The following BCAP31 variants were observed in gnomAD, a reference collection of about 807,000 sequenced individuals.
BCAP31 encodes B cell receptor associated protein 31.
For synonymous variants in BCAP31, 75 were observed against 80.9 expected (o/e 0.93, Z 0.39); for missense variants, 124 against 193.0 (o/e 0.64, Z 2.12).
intron 2 of BCAP31, 116 bp downstream of exon 2, chrX:153,723,037 T>G: frequency 4.2e-6 from 4 of 956,059 alleles, no homozygotes; most frequent in Non-Finnish European, 5.7e-6. Context: ...CCCAGACAGG[T>G]TCTACCTGTT....
At chrX:153,702,170 C>G in intron 6 of BCAP31, 63 bp from the exon 7 acceptor site, 2 of 989,236 alleles carry the variant, frequency 2.0e-6, no homozygotes, top group Non-Finnish European at 2.8e-6. Flanking sequence ...GGGGAAAAAA[C>G]CCGACTGCTA....
At chrX:153,701,096 A>G (rs2091515415) in intron 7 of BCAP31, 121 bp from the exon 8 acceptor site, 8 of 624,369 alleles carry the variant, frequency 1.3e-5, no homozygotes, top group Middle Eastern at 3.1e-4. Flanking sequence ...ACAGCTATTC[A>G]AGTGAACAAG....
intron 3 of BCAP31, 107 bp from the exon 4 acceptor site, chrX:153,715,796 A>G: frequency 2.1e-6 from 2 of 952,950 alleles, no homozygotes; most frequent in Non-Finnish European, 3.0e-6. Context: ...CACTTCCCTC[A>G]AATCCGCCTC....
chrX:153,708,694 G>T (rs782669891), intron 4 of BCAP31, among the ~76,000 whole-genome samples: 2 of 112,930 alleles, frequency 1.8e-5, no homozygotes, highest in Non-Finnish European at 3.8e-5. Context: ...CAGTGAAGAA[G>T]AATGACTAAC....
rs1557047458 is a variant in BCAP31 at position 153,702,071 on chromosome X, C to T, written c.638G>A (p.Arg213Gln). ...EKAENQVLAM[R>Q]KQSEGLTKEY... ...CTTGGTGAGGCCCTCAGACTGCTTC[C>T]GCATGGCCAGAACCTGGTTTTCAGC... The change falls in exon 7 of 8, where the codon CGG becomes CAG. Residue 213 changes from arginine (R) to glutamine (Q), a missense_variant. Coordinates refer to ENST00000345046, the MANE Select transcript of BCAP31 (RefSeq NM_001256447.2). 5.0e-6 allele frequency: 6 copies of T among 1,209,731 alleles called. No homozygotes were observed. In the Admixed American group the frequency reaches 8.7e-5, roughly 18 times the overall value.
At chrX:153,717,246 G>A (rs1320735382) in intron 3 of BCAP31, among the ~76,000 whole-genome samples, 2 of 112,377 alleles carry the variant, frequency 1.8e-5, no homozygotes, top group African/African-American at 6.5e-5. Context: ...GCCGCTGTTA[G>A]ACATATAGAG....
chrX:153,707,178 G>A (rs782040032), intron 4 of BCAP31, among the ~76,000 whole-genome samples: 4 of 110,769 alleles, frequency 3.6e-5, no homozygotes, highest in African/African-American at 1.3e-4. Context: ...CGCCTTCTGG[G>A]GGCTCCTGCA....
At chrX:153,714,338 C>T (rs1234880086) in intron 4 of BCAP31, among the ~76,000 whole-genome samples, 2 of 110,840 alleles carry the variant, frequency 1.8e-5, no homozygotes, top group Admixed American at 1.9e-4. Flanking sequence ...GCTTCCCTTT[C>T]AGCCTCAGAC....
At chrX:153,719,618 G>A (rs782307791) in intron 3 of BCAP31, among the ~76,000 whole-genome samples, 11 of 111,000 alleles carry the variant, frequency 9.9e-5, no homozygotes, top group East Asian at 2.8e-4. Context: ...CCCCCCACCC[G>A]CTCAGTGTTT....
At chrX:153,703,596 G>A (rs1473969996) in intron 5 of BCAP31, among the ~76,000 whole-genome samples, 41 of 112,962 alleles carry the variant, frequency 3.6e-4, no homozygotes, top group African/African-American at 1.2e-3. Context: ...CACAGACCCC[G>A]AGTTCCAGAG....
At chrX:153,723,925 C>G (rs1557051701) in intron 1 of BCAP31, 2 of 491,274 alleles carry the variant, frequency 4.1e-6, no homozygotes, top group Admixed American at 5.4e-5. Flanking sequence ...GATTCGGGAC[C>G]AAGCGCAAAG....
At chrX:153,708,648 C>T (rs2091570095) in intron 4 of BCAP31, among the ~76,000 whole-genome samples, 2 of 112,843 alleles carry the variant, frequency 1.8e-5, no homozygotes, top group Non-Finnish European at 3.8e-5. Context: ...AGCGCCCAGG[C>T]AAGGAAGCAA....
chrX:153,721,737 T>C (rs1291380712), intron 2 of BCAP31, among the ~76,000 whole-genome samples: 3 of 106,247 alleles, frequency 2.8e-5, no homozygotes, highest in South Asian at 8.4e-4. Context: ...AAAATATATA[T>C]ATAAAAAAAA....
chrX:153,706,564 T>C lies in BCAP31; in HGVS notation c.342-2470A>G, dbSNP rs185626531. On this transcript the variant is annotated intron_variant, in intron 4 of 7. Coordinates refer to ENST00000345046, the MANE Select transcript of BCAP31 (RefSeq NM_001256447.2). ...TCTGCTCCCTCTGGGGTCTGCACTCTTCAGCTGACACCCTATACCTTCCTC... is the reference window on the plus strand; with the variant it reads ...TCTGCTCCCTCTGGGGTCTGCACTCCTCAGCTGACACCCTATACCTTCCTC... Among the ~76,000 whole-genome samples, 40 of 112,681 alleles carry C rather than the reference T, an allele frequency of 3.5e-4. 1 individual carries two copies. The highest frequency in any genetic ancestry group is 1.1e-3 in the South Asian group (3 of 2,701).
chrX:153,713,397 A>G (rs782136294), intron 4 of BCAP31, among the ~76,000 whole-genome samples: 19 of 110,988 alleles, frequency 1.7e-4, no homozygotes, highest in Admixed American at 2.9e-4. Context: ...ATCCATCTAC[A>G]CTCCATCTAT....
In BCAP31 at chrX:153,703,178, T is replaced by C; in HGVS notation, c.478-120A>G. ...CCCTGGCCACACGCCCCTTCGGAAA[T>C]GTCAACGCGGAACCGAGCCACCACT... On this transcript the variant is annotated intron_variant, in intron 5 of 7. Coordinates refer to ENST00000345046, the MANE Select transcript of BCAP31 (RefSeq NM_001256447.2). The C allele has an allele frequency of 6.0e-6, 6 of 1,005,584 alleles. No individual in the cohort carries two copies. In the South Asian group the frequency reaches 1.3e-4, roughly 22 times the overall value. The allele number at this position is 1,005,584 out of a possible 1,213,427, so 82.9% of individuals were successfully genotyped here.
intron 7 of BCAP31, among the ~76,000 whole-genome samples, chrX:153,701,556 G>A (rs1293415640): frequency 2.7e-5 from 3 of 112,870 alleles, no homozygotes; most frequent in African/African-American, 9.7e-5. Flanking sequence ...TCAGGCCTAG[G>A]GCAGCAGGTG....
At position 153,700,865 on chromosome X, in the gene BCAP31, G is replaced by A. The variant is rs2091513451; in HGVS notation, c.*72C>T. Reference sequence around the variant, plus strand: ...CACAAACAGAAGTACTGGAGGGAGAGGCCGGGCTCTCAGGAAGCAGCAGGC... The same window carrying A: ...CACAAACAGAAGTACTGGAGGGAGAAGCCGGGCTCTCAGGAAGCAGCAGGC... On this transcript the variant is annotated 3_prime_UTR_variant, in exon 8 of 8. Coordinates refer to ENST00000345046, the MANE Select transcript of BCAP31 (RefSeq NM_001256447.2). The A allele has an allele frequency of 2.8e-6, 3 of 1,059,784 alleles. No individual in the cohort carries two copies. Among genetic ancestry groups the A allele is most frequent in the South Asian group, 1.9e-5 (1 of 51,473 alleles). 87.3% of individuals were successfully genotyped at this position (1,059,784 alleles called of 1,213,427 possible).
At position 153,718,752 on chromosome X, in the gene BCAP31, T is replaced by C. The variant is rs374607365; in HGVS notation, c.193+2120A>G. 2.3e-4 allele frequency among the ~76,000 whole-genome samples: 26 copies of C among 112,086 alleles called. 1 individual carries two copies. In the South Asian group the frequency reaches 9.8e-3, roughly 42 times the overall value. On this transcript the variant is annotated intron_variant, in intron 3 of 7. Transcript: ENST00000345046. ...GAACCCCACCATCCTAAGGACCACC[T>C]TGGCCAATGACCAATAGTGGGGATG...
Sources: gnomAD v4.1 joint callset for allele counts (sites outside exome capture counted in the v4.1 genomes callset) on GRCh38, gnomAD v4.1.1 for gene constraint, MANE v1.5 for transcripts, NCBI Gene and HGNC (gene_info 2026-07-23, HGNC 2026-07-21) for gene names.